The following BBX variants were observed in gnomAD, a reference collection of about 807,000 sequenced individuals.
The protein encoded by BBX is HMG box transcription factor BBX.
Under a neutral mutation model 100.2 loss-of-function variants are expected in BBX, and 30 were observed. The observed-to-expected ratio is 0.30, with a 90% CI of 0.22 to 0.41. BBX has a LOEUF of 0.41. Among genes scored for constraint, BBX ranks in the 10% least tolerant of loss-of-function variants. The pLI, the probability that BBX is intolerant of heterozygous loss-of-function variation, is 1.00. For missense variants in BBX, 1,023 were observed against 1,129.8 expected (o/e 0.91, Z 1.35); for synonymous variants, 376 against 388.1 (o/e 0.97, Z 0.37).
chr3:107,571,777 C>T (rs1183723219), intron 2 of BBX, among the ~76,000 whole-genome samples: 2 of 152,238 alleles, frequency 1.3e-5, no homozygotes, highest in Non-Finnish European at 2.9e-5. Flanking sequence ...CTGTTTATTT[C>T]ACCTGGGTGC....
intron 3 of BBX, among the ~76,000 whole-genome samples, chr3:107,669,648 T>C (rs1156315577): frequency 6.6e-6 from 1 of 152,178 alleles, no homozygotes; most frequent in African/African-American, 2.4e-5. Flanking sequence ...TAGTTATCTC[T>C]TGGGTTGAAG....
chr3:107,608,492 A>G (rs1249844114), intron 2 of BBX, among the ~76,000 whole-genome samples: 1 of 152,150 alleles, frequency 6.6e-6, no homozygotes, highest in Non-Finnish European at 1.5e-5. Context: ...GAAGTCAGTT[A>G]AGGTGATTCC....
intron 2 of BBX, among the ~76,000 whole-genome samples, chr3:107,604,468 T>G (rs1346259620): frequency 6.6e-6 from 1 of 152,196 alleles, no homozygotes; most frequent in Non-Finnish European, 1.5e-5. Context: ...TTTGTCACTA[T>G]TACTCTTAAA....
rs757432405 is a variant in BBX at position 107,774,846 on chromosome 3, C to T, written c.2043C>T (p.Asp681=). 84 of 1,613,046 alleles carry T rather than the reference C, an allele frequency of 5.2e-5. 2 individuals carry two copies. The South Asian group carries it at 9.0e-4, about 17-fold the overall frequency. The change falls in exon 12 of 18, where the codon GAC becomes GAT. Residue 681 remains aspartate (D), a synonymous_variant. Transcript: ENST00000325805. Reference sequence around the variant, plus strand: ...TCAAGAAGACAAAGCCAAAAGAAGACTGTCTCCTTGGGTAAGTGCCTGTGA... The same window carrying T: ...TCAAGAAGACAAAGCCAAAAGAAGATTGTCTCCTTGGGTAAGTGCCTGTGA... ...KKFKKTKPKE[D]CLLGSAKLDE...
intron 5 of BBX, among the ~76,000 whole-genome samples, chr3:107,728,174 A>T (rs2063090556): frequency 2.6e-5 from 4 of 152,170 alleles, no homozygotes; most frequent in Admixed American, 2.6e-4. Flanking sequence ...TATGCTCATT[A>T]CAGACCCCTG....
chr3:107,647,858 G>A (rs927316815), intron 3 of BBX, among the ~76,000 whole-genome samples: 2 of 152,232 alleles, frequency 1.3e-5, no homozygotes, highest in African/African-American at 4.8e-5. Context: ...TGAAGGAGCA[G>A]TCTTTCTGGC....
At chr3:107,792,924 G>T (rs958894054) in intron 15 of BBX, among the ~76,000 whole-genome samples, 3 of 152,114 alleles carry the variant, frequency 2.0e-5, no homozygotes, top group Non-Finnish European at 1.5e-5. Flanking sequence ...ACCAGAGCAA[G>T]TGCAGTGTGG....
At chr3:107,754,834 T>C (rs963899453) in intron 9 of BBX, among the ~76,000 whole-genome samples, 19 of 152,238 alleles carry the variant, frequency 1.2e-4, no homozygotes, top group Admixed American at 8.5e-4. Context: ...TAAGAATGTA[T>C]GTCCTTCTCA....
At chr3:107,547,944 T>G (rs367836017) in intron 2 of BBX, among the ~76,000 whole-genome samples, 2 of 152,316 alleles carry the variant, frequency 1.3e-5, no homozygotes, top group East Asian at 1.9e-4. Context: ...GACACCTAGA[T>G]TCTAATTGCT....
At chr3:107,616,044 CTGTTGT>C (rs1180720999) in intron 2 of BBX, among the ~76,000 whole-genome samples, 1 of 25,902 alleles carries the variant, frequency 3.9e-5, no homozygotes, top group Admixed American at 4.8e-4. Flanking sequence ...TTTTTTTTTG[CTGTTGT>C]TGTTGTTGTT....
At position 107,774,759 on chromosome 3, in the gene BBX, A is replaced by G. The variant is rs1207886896; in HGVS notation, c.1956A>G (p.Glu652=). Residue 652 remains glutamate, a synonymous_variant, in exon 12 of 18, where the codon GAA becomes GAG. Transcript: ENST00000325805. ...SSGKGNSSDH[E]GCWNEESWTF... ...GAAAAGGAAACTCCTCTGATCATGA[A>G]GGGTGTTGGAATGAAGAAAGCTGGA... The G allele has an allele frequency of 6.2e-7, 1 of 1,613,366 alleles. No homozygotes were observed. Among genetic ancestry groups the G allele is most frequent in the African/African-American group, 1.3e-5 (1 of 74,882 alleles).
At chr3:107,579,271 A>G (rs13081968) in intron 2 of BBX, among the ~76,000 whole-genome samples, 361 of 152,326 alleles carry the variant, frequency 2.4e-3, no homozygotes, top group South Asian at 8.5e-3. Flanking sequence ...TGGGCGAATC[A>G]TGCACTGGAA....
Position 107,561,565 on chromosome 3 carries a change from T to G in BBX, c.-84+35167T>G, listed in dbSNP as rs184339499. Among the ~76,000 whole-genome samples the G allele has an allele frequency of 1.2e-3, 184 of 152,306 alleles. 1 individual carries two copies. Among genetic ancestry groups the G allele is most frequent in the African/African-American group, 4.3e-3 (178 of 41,568 alleles). ...TATGCAGCAGATAAAATGAATGAAT[T>G]ATTATGGATTAATCACAACAGTGGT... On this transcript the variant is annotated intron_variant, in intron 2 of 17. Transcript: ENST00000325805.
chr3:107,610,425 A>G (rs1239726190), intron 2 of BBX, among the ~76,000 whole-genome samples: 2 of 151,982 alleles, frequency 1.3e-5, no homozygotes, highest in African/African-American at 4.8e-5. Context: ...TTTTCTGTCC[A>G]GTGCTGAAAG....
At chr3:107,778,958 C>G (rs1207358963) in intron 13 of BBX, among the ~76,000 whole-genome samples, 2 of 120,360 alleles carry the variant, frequency 1.7e-5, no homozygotes, top group Non-Finnish European at 3.4e-5. Flanking sequence ...CATTATAGAC[C>G]AAAGGAAAAT....
At chr3:107,530,025 A>G (rs2048051292) in intron 2 of BBX, among the ~76,000 whole-genome samples, 1 of 152,236 alleles carries the variant, frequency 6.6e-6, no homozygotes, top group African/African-American at 2.4e-5. Flanking sequence ...TGTAAACTTA[A>G]TAAGTTAAAA....
In BBX at chr3:107,728,777, T is replaced by C; in HGVS notation, c.418T>C (p.Phe140Leu). 6.2e-7 allele frequency: 1 copy of C among 1,612,828 alleles called. No homozygotes were observed. Among genetic ancestry groups the C allele is most frequent in the Non-Finnish European group, 8.5e-7 (1 of 1,179,398 alleles). ...TDMAKEYKDA[F>L]MKANPGYKWC... ...GTTTTATTTATAGTATAAGGATGCA[T>C]TTATGAAAGCAAATCCTGGCTACAA... is the stretch of plus-strand genomic sequence containing the variant. Residue 140 changes from phenylalanine (F) to leucine (L), a missense_variant, in exon 6 of 18, where the codon TTT becomes CTT. Physicochemically the swap from Phe to Leu is conservative, Grantham distance 22. Coordinates refer to ENST00000325805, the MANE Select transcript of BBX (RefSeq NM_001142568.3).
intron 3 of BBX, among the ~76,000 whole-genome samples, chr3:107,692,793 A>T (rs527610151): frequency 2.7e-5 from 4 of 150,016 alleles, no homozygotes; most frequent in Admixed American, 2.0e-4. Flanking sequence ...ACAATGGTTG[A>T]ACTAGTTTAC....
chr3:107,798,852 A>G, intron 16 of BBX, 132 bp downstream of exon 16: 1 of 990,512 alleles, frequency 1.0e-6, no homozygotes. Context: ...AAAAAAAAAC[A>G]AAAACAAAAA....
Sources: gnomAD v4.1 joint callset for allele counts (sites outside exome capture counted in the v4.1 genomes callset) on GRCh38, gnomAD v4.1.1 for gene constraint, MANE v1.5 for transcripts, NCBI Gene and HGNC (gene_info 2026-07-23, HGNC 2026-07-21) for gene names.